The following TSPAN14 variants were observed in gnomAD, a reference collection of about 807,000 sequenced individuals.
TSPAN14 encodes tetraspanin 14.
TSPAN14 carries 16 observed loss-of-function variants against 36.6 expected under a neutral mutation model. The observed-to-expected ratio is 0.44, with a 90% confidence interval of 0.30 to 0.66. The LOEUF is 0.66. TSPAN14 is among the 30% of genes least tolerant of loss of function. The probability of loss-of-function intolerance (pLI) is 0.12; values close to 1 mark genes in which losing one functional copy is unlikely to be tolerated. For synonymous variants in TSPAN14, 139 were observed against 143.8 expected (o/e 0.97, Z 0.24); for missense variants, 231 against 355.1 (o/e 0.65, Z 2.81).
At chr10:80,474,964 A>G (rs1055555315) in intron 1 of TSPAN14, among the ~76,000 whole-genome samples, 3 of 152,182 alleles carry the variant, frequency 2.0e-5, no homozygotes, top group East Asian at 1.9e-4. Context: ...TTGAGATTCC[A>G]CATTTCCAGC....
At chr10:80,513,955 A>C in intron 6 of TSPAN14, 64 bp from the exon 7 acceptor site, 25 of 1,434,744 alleles carry the variant, frequency 1.7e-5, no homozygotes, top group Non-Finnish European at 2.2e-5. Flanking sequence ...TGACTTTACT[A>C]GAGCCTCTTA....
At chr10:80,465,362 C>T (rs1246847536) in intron 1 of TSPAN14, among the ~76,000 whole-genome samples, 3 of 152,200 alleles carry the variant, frequency 2.0e-5, no homozygotes, top group Admixed American at 6.5e-5. Context: ...CAGCCACCCC[C>T]GCTGCAGGAG....
At chr10:80,480,114 G>A (rs1208925578) in intron 1 of TSPAN14, among the ~76,000 whole-genome samples, 1 of 151,348 alleles carries the variant, frequency 6.6e-6, no homozygotes, top group Non-Finnish European at 1.5e-5. Flanking sequence ...TGGCGTCTAA[G>A]AATGCTTGTG....
At chr10:80,462,153 T>C (rs943935801) in intron 1 of TSPAN14, among the ~76,000 whole-genome samples, 1 of 152,126 alleles carries the variant, frequency 6.6e-6, no homozygotes, top group African/African-American at 2.4e-5. Context: ...GGGCACTTGA[T>C]TTGTGCTTCT....
intron 1 of TSPAN14, among the ~76,000 whole-genome samples, chr10:80,482,827 T>C (rs901992734): frequency 1.1e-4 from 16 of 145,354 alleles, no homozygotes; most frequent in African/African-American, 3.8e-4. Context: ...CCCCCGCCTC[T>C]CTGGTTCAAG....
intron 2 of TSPAN14, among the ~76,000 whole-genome samples, chr10:80,494,733 C>A (rs1197055796): frequency 6.6e-6 from 1 of 152,186 alleles, no homozygotes; most frequent in Non-Finnish European, 1.5e-5. Context: ...TTCTTCATTT[C>A]CATCTCAGTA....
chr10:80,506,649 T>G (rs1420576302), intron 3 of TSPAN14, among the ~76,000 whole-genome samples: 1 of 152,226 alleles, frequency 6.6e-6, no homozygotes, highest in African/African-American at 2.4e-5. Flanking sequence ...TAAATTAAAA[T>G]TCAGTCCTTC....
At chr10:80,483,695 G>C (rs1249465806) in intron 1 of TSPAN14, among the ~76,000 whole-genome samples, 3 of 151,862 alleles carry the variant, frequency 2.0e-5, no homozygotes, top group Non-Finnish European at 2.9e-5. Context: ...GATCACCCAA[G>C]GTCAGTAGTT....
intron 1 of TSPAN14, among the ~76,000 whole-genome samples, chr10:80,488,878 C>T (rs972540844): frequency 6.6e-6 from 1 of 152,156 alleles, no homozygotes; most frequent in Non-Finnish European, 1.5e-5. Context: ...ATGGTTTCCT[C>T]AACCATGAAG....
exon 6 of TSPAN14, chr10:80,512,259 C>G: frequency 6.2e-7 from 1 of 1,613,922 alleles, no homozygotes; most frequent in Non-Finnish European, 8.5e-7. Context: ...TGCTGCGTGC[C>G]AGATCCTGCG....
At chr10:80,504,290 T>C (rs1416456986) in intron 2 of TSPAN14, among the ~76,000 whole-genome samples, 7 of 152,216 alleles carry the variant, frequency 4.6e-5, no homozygotes, top group Admixed American at 4.6e-4. Context: ...CCCCCTGTCC[T>C]CACCCTGTGG....
chr10:80,460,070 A>G (rs1227681824), intron 1 of TSPAN14, among the ~76,000 whole-genome samples: 1 of 152,180 alleles, frequency 6.6e-6, no homozygotes, highest in Non-Finnish European at 1.5e-5. Flanking sequence ...TTAAACTGGT[A>G]AGGTAGACTG....
At chr10:80,461,744 A>G (rs1413466695) in intron 1 of TSPAN14, among the ~76,000 whole-genome samples, 1 of 151,520 alleles carries the variant, frequency 6.6e-6, no homozygotes, top group Non-Finnish European at 1.5e-5. Flanking sequence ...GGCTCTGCTC[A>G]CTCCTGCAGA....
rs1471213360 is a variant in TSPAN14, at chr10:80,482,731, C to T, written c.-17-6486C>T. 3.9e-4 allele frequency among the ~76,000 whole-genome samples: 52 copies of T among 132,674 alleles called. 1 individual carries two copies. Among genetic ancestry groups the T allele is most frequent in the Non-Finnish European group, 6.9e-4 (44 of 63,928 alleles). 87.0% of individuals were successfully genotyped at this position (132,674 alleles called of 152,430 possible). A position where few individuals can be genotyped will look rare whatever the true frequency, so the allele number is the denominator to read the frequency against. On this transcript the variant is annotated intron_variant, in intron 1 of 8. Coordinates refer to ENST00000429989, the Ensembl canonical transcript of TSPAN14. ...CTCATTGTCAGTTCACTTTTCTTTT[C>T]CTTTTTTTTTTTTTTTTTTTTGAGA... is the stretch of plus-strand genomic sequence containing the variant.
chr10:80,503,497 G>C (rs538192507), intron 2 of TSPAN14, among the ~76,000 whole-genome samples: 1 of 152,184 alleles, frequency 6.6e-6, no homozygotes, highest in South Asian at 2.1e-4. Context: ...CCAGTGCTCT[G>C]CTTTTGTAAA....
At chr10:80,493,031 T>C (rs964191711) in intron 2 of TSPAN14, among the ~76,000 whole-genome samples, 1 of 152,178 alleles carries the variant, frequency 6.6e-6, no homozygotes, top group African/African-American at 2.4e-5. Context: ...ATGGGCTTCA[T>C]GAGGTTCTTA....
At chr10:80,520,414 C>T (rs918692829) in exon 9 of TSPAN14, 8 of 412,296 alleles carry the variant, frequency 1.9e-5, no homozygotes, top group East Asian at 5.9e-5. Flanking sequence ...ATCGGCTGTC[C>T]GCACAGAGGC....
At chr10:80,469,063 G>T (rs1292571011) in intron 1 of TSPAN14, among the ~76,000 whole-genome samples, 1 of 152,048 alleles carries the variant, frequency 6.6e-6, no homozygotes, top group Non-Finnish European at 1.5e-5. Context: ...GTTATTCCTC[G>T]GTGCCGGGGA....
intron 1 of TSPAN14, chr10:80,485,493 C>G: frequency 3.3e-6 from 1 of 305,146 alleles, no homozygotes; most frequent in Non-Finnish European, 4.8e-6. Flanking sequence ...CGAGCCATAC[C>G]TGTTGTGCAG....
Sources: gnomAD v4.1 joint callset for allele counts (sites outside exome capture counted in the v4.1 genomes callset) on GRCh38, gnomAD v4.1.1 for gene constraint, MANE v1.5 for transcripts, NCBI Gene and HGNC (gene_info 2026-07-23, HGNC 2026-07-21) for gene names.